HDAC4: variants seen among roughly 807,000 people sequenced by gnomAD.
HDAC4 encodes histone deacetylase A.
HDAC4 carries 16 observed loss-of-function variants against 135.1 expected under a neutral mutation model. The ratio of observed to expected loss-of-function variants is 0.12; its 90% CI spans 0.08 to 0.18. The LOEUF is 0.18. HDAC4 is among the 10% of genes least tolerant of loss of function. The probability of loss-of-function intolerance (pLI) is 1.00; values close to 1 mark genes in which losing one functional copy is unlikely to be tolerated. For synonymous variants in HDAC4, 685 were observed against 653.4 expected, an observed-to-expected ratio of 1.05 and a Z score of -0.74; for missense variants, 1,143 against 1,511.8, an observed-to-expected ratio of 0.76 and a Z score of 4.05.
Position 239,285,587 on chromosome 2 carries a change from G to A in HDAC4, c.23-48923C>T, listed in dbSNP as rs773957334. Among the ~76,000 whole-genome samples, 59 of 152,292 alleles carry A rather than the reference G, an allele frequency of 3.9e-4. No homozygotes were observed. Among genetic ancestry groups the A allele is most frequent in the Admixed American group, 8.5e-4 (13 of 15,302 alleles). ...GCTGGCCAAAGGTTGGGCTTTTGAA[G>A]TACTAGAAACTTCCTCTTCTGGGGA... On this transcript the variant is annotated intron_variant, in intron 2 of 26. Transcript: ENST00000543185. This position sits in a 1 kb window ranked among gnomAD's most constrained non-coding sequence, Gnocchi z 4.5.
At chr2:239,097,825 C>G (rs188884511) in intron 16 of HDAC4, among the ~76,000 whole-genome samples, 1 of 152,278 alleles carries the variant, frequency 6.6e-6, no homozygotes, top group East Asian at 1.9e-4. Flanking sequence ...GCGGGTGCTG[C>G]CTTGGAAGGG....
intron 2 of HDAC4, among the ~76,000 whole-genome samples, chr2:239,336,214 G>C (rs1355700306): frequency 3.9e-5 from 6 of 152,194 alleles, no homozygotes; most frequent in Non-Finnish European, 8.8e-5. Context: ...GGGTGTGAGA[G>C]TGAGGGTACA....
chr2:239,307,624 G>A lies in HDAC4; in HGVS notation c.22+45054C>T, dbSNP rs1452796985. On this transcript the variant is annotated intron_variant, in intron 2 of 26. Coordinates refer to ENST00000543185, the MANE Select transcript of HDAC4 (RefSeq NM_001378414.1). The surrounding 1 kb of genome is among the most constrained non-coding windows in gnomAD (Gnocchi z 4.8). ...GACCCTAAACTTGGTTTTCCAAATA[G>A]CCAAACGACAACTCCTGCTCAAGAA... 6.6e-6 allele frequency among the ~76,000 whole-genome samples: 1 copy of A among 152,174 alleles called. No homozygotes were observed. The highest frequency in any genetic ancestry group is 2.4e-5 in the African/African-American group (1 of 41,444).
chr2:239,380,760 T>C (rs1695361481), intron 1 of HDAC4, among the ~76,000 whole-genome samples: 1 of 152,190 alleles, frequency 6.6e-6, no homozygotes, highest in Non-Finnish European at 1.5e-5. Context: ...ATCAAATAAA[T>C]TGCCCAAACT....
chr2:239,131,091 C>T (rs893172831), intron 11 of HDAC4, among the ~76,000 whole-genome samples: 4 of 152,240 alleles, frequency 2.6e-5, no homozygotes, highest in East Asian at 1.9e-4. Context: ...TGCGGAGTGC[C>T]GCACTGGAGC....
chr2:239,223,533 C>T (rs984604851), intron 3 of HDAC4, among the ~76,000 whole-genome samples: 4 of 152,176 alleles, frequency 2.6e-5, no homozygotes, highest in East Asian at 3.9e-4. Context: ...CTTACGCCTC[C>T]CAGCCTCAGT....
intron 2 of HDAC4, among the ~76,000 whole-genome samples, chr2:239,341,445 G>GA (rs1183480866): frequency 1.3e-5 from 2 of 152,226 alleles, no homozygotes; most frequent in Non-Finnish European, 2.9e-5. Context: ...TGAAAACAAA[G>GA]AGTGTCAAGA....
chr2:239,355,738 G>A (rs1693452438), intron 1 of HDAC4, among the ~76,000 whole-genome samples: 1 of 152,184 alleles, frequency 6.6e-6, no homozygotes, highest in East Asian at 1.9e-4. Context: ...ATAGGAATAA[G>A]CTCTAGTCCA....
At chr2:239,275,727 C>G (rs1487912599) in intron 2 of HDAC4, among the ~76,000 whole-genome samples, 1 of 152,102 alleles carries the variant, frequency 6.6e-6, no homozygotes, top group African/African-American at 2.4e-5. Flanking sequence ...GTCCCACTCC[C>G]CACCCCTCAG....
At chr2:239,082,303 T>G in intron 20 of HDAC4, 82 bp from the exon 21 acceptor site, 1 of 1,565,612 alleles carries the variant, frequency 6.4e-7, no homozygotes, top group Non-Finnish European at 8.8e-7. Context: ...CCAACCCCAG[T>G]TGTGCTTAGT....
In HDAC4 at chr2:239,362,819, G is replaced by T. The variant is rs148720028; in HGVS notation, c.-219-9901C>A. Among the ~76,000 whole-genome samples, 764 of 152,228 alleles carry T rather than the reference G, an allele frequency of 5.0e-3. 8 individuals carry two copies. Among genetic ancestry groups the T allele is most frequent in the African/African-American group, 0.018 (730 of 41,530 alleles). The stretch of plus-strand genomic sequence containing the variant: ...GCAGAGATCCTAGCCAGGGCAGTAA[G>T]GCAAGAAAAGAAAAGAAAGCAAAAA... On this transcript the variant is annotated intron_variant, in intron 1 of 26. Transcript: ENST00000543185.
At chr2:239,286,071 G>A (rs181576629) in intron 2 of HDAC4, among the ~76,000 whole-genome samples, 53 of 152,238 alleles carry the variant, frequency 3.5e-4, no homozygotes, top group African/African-American at 9.4e-4. Flanking sequence ...GAAATGGTAC[G>A]ATTACTGTTT....
intron 3 of HDAC4, among the ~76,000 whole-genome samples, chr2:239,216,689 C>T (rs1280487500): frequency 6.6e-6 from 1 of 152,238 alleles, no homozygotes; most frequent in Non-Finnish European, 1.5e-5. Flanking sequence ...TCCGCCTTCA[C>T]TCTGCCCTGC....
At chr2:239,261,838 G>A (rs1351642086) in intron 2 of HDAC4, among the ~76,000 whole-genome samples, 4 of 152,254 alleles carry the variant, frequency 2.6e-5, no homozygotes, top group East Asian at 1.9e-4. Flanking sequence ...GCAGGAGCCC[G>A]GCAGGGACAC....
At chr2:239,361,622 G>T (rs1291655789) in intron 1 of HDAC4, among the ~76,000 whole-genome samples, 2 of 152,216 alleles carry the variant, frequency 1.3e-5, no homozygotes, top group African/African-American at 4.8e-5. Flanking sequence ...CCCTCATAAA[G>T]AAAGCAGCGC....
chr2:239,191,878 CAGA>C (rs1553550364), intron 3 of HDAC4, among the ~76,000 whole-genome samples: 1 of 152,252 alleles, frequency 6.6e-6, no homozygotes, highest in Non-Finnish European at 1.5e-5. Context: ...CAAAGCAACC[CAGA>C]AGGTGACAGA....
intron 4 of HDAC4, among the ~76,000 whole-genome samples, chr2:239,182,348 CGCAGA>C (rs2044206217): frequency 6.6e-6 from 1 of 152,224 alleles, no homozygotes; most frequent in South Asian, 2.1e-4. Flanking sequence ...AGGGCGGAAA[CGCAGA>C]GCGGACAGAT....
chr2:239,344,128 C>G (rs572086008), intron 2 of HDAC4, among the ~76,000 whole-genome samples: 1 of 152,182 alleles, frequency 6.6e-6, no homozygotes. Flanking sequence ...CTCACACAGC[C>G]TGGCACCCGG....
chr2:239,111,378 AC>A, intron 14 of HDAC4, 147 bp downstream of exon 14: 1 of 749,314 alleles, frequency 1.3e-6, no homozygotes. Context: ...TCTGTGACAG[AC>A]CTGTGTGGTC....
Sources: allele counts gnomAD v4.1 joint callset (sites outside exome capture counted in the v4.1 genomes callset), GRCh38; gene constraint gnomAD v4.1.1; non-coding constraint Gnocchi (gnomAD v3.1); transcripts MANE v1.5; gene names NCBI Gene and HGNC (gene_info 2026-07-23, HGNC 2026-07-21).